AGMO: variants seen among roughly 807,000 people sequenced by gnomAD.
AGMO encodes glyceryl-ether monooxygenase.
A neutral mutation model predicts 60.2 loss-of-function variants in AGMO; 75 were observed. The ratio of observed to expected loss-of-function variants is 1.25; its 90% CI spans 1.03 to 1.51. The LOEUF is 1.51. Ranked by LOEUF, AGMO falls within the 40% of genes most tolerant of loss-of-function variation. The pLI is 0.00. For synonymous variants in AGMO, 261 were observed against 177.1 expected (o/e 1.47, Z -3.76); for missense variants, 763 against 525.5 (o/e 1.45, Z -4.42).
In AGMO at chr7:15,342,801, A is replaced by AAAAAAAAC. The variant is rs778682811; in HGVS notation, c.1263+22712_1263+22713insGTTTTTTT. ...CTGCAAAAAAAAAAAAAAAAAAAAA[A>AAAAAAAAC]AAAATTGATCTGAATTCTACCTCTA... On this transcript the variant is annotated intron_variant, in intron 12 of 12. Coordinates refer to ENST00000342526, the MANE Select transcript of AGMO (RefSeq NM_001004320.2). Among the ~76,000 whole-genome samples the AAAAAAAAC allele has an allele frequency of 7.8e-4, 84 of 107,938 alleles. 9 individuals are homozygous for AAAAAAAAC. Among genetic ancestry groups the AAAAAAAAC allele is most frequent in the African/African-American group, 2.9e-3 (68 of 23,850 alleles). The allele number at this position is 107,938 out of a possible 152,430, so 70.8% of individuals were successfully genotyped here.
At chr7:15,387,068 T>C (rs1437980998) in intron 9 of AGMO, among the ~76,000 whole-genome samples, 1 of 152,220 alleles carries the variant, frequency 6.6e-6, no homozygotes, top group Non-Finnish European at 1.5e-5. Context: ...CCTCCGTCTC[T>C]AGTGTTCTAG....
At chr7:15,167,228 C>T in the AGMO span, among the ~76,000 whole-genome samples, 3 of 152,020 alleles carry the variant, frequency 2.0e-5, no homozygotes, top group Admixed American at 6.6e-5. Flanking sequence ...GTTTGAAAAA[C>T]ACTACTTAGA....
intron 3 of AGMO, among the ~76,000 whole-genome samples, chr7:15,474,791 C>T (rs1782548969): frequency 6.6e-6 from 1 of 152,128 alleles, no homozygotes. Context: ...TTTTTGCAAT[C>T]TGTCCATCTG....
At chr7:15,445,756 G>A (rs1452619908) in intron 3 of AGMO, among the ~76,000 whole-genome samples, 2 of 152,082 alleles carry the variant, frequency 1.3e-5, no homozygotes, top group East Asian at 3.9e-4. Flanking sequence ...GAAAGAAATG[G>A]TTAAGACATG....
chr7:15,164,675 A>C, the AGMO span, among the ~76,000 whole-genome samples: 3 of 152,110 alleles, frequency 2.0e-5, no homozygotes, highest in Non-Finnish European at 4.4e-5. Context: ...AGAGAAATGC[A>C]AGTTTAAACC....
chr7:15,358,403 A>AT (rs1275388496), intron 12 of AGMO: 1 of 471,336 alleles, frequency 2.1e-6, no homozygotes, highest in Non-Finnish European at 4.4e-6. Context: ...ATAAGAAGGC[A>AT]TAATAATTAG....
At chr7:15,195,685 T>C (rs566593281), downstream of AGMO, among the ~76,000 whole-genome samples, 3 of 152,304 alleles carry the variant, frequency 2.0e-5, no homozygotes, top group East Asian at 1.9e-4. Flanking sequence ...CTAGCTTGCC[T>C]TTCCATGACT....
At chr7:15,533,453 T>C (rs1784416351) in intron 3 of AGMO, among the ~76,000 whole-genome samples, 1 of 152,156 alleles carries the variant, frequency 6.6e-6, no homozygotes, top group South Asian at 2.1e-4. Flanking sequence ...TAAATTTGTT[T>C]TACAGATCTT....
intron 10 of AGMO, among the ~76,000 whole-genome samples, chr7:15,379,501 G>A (rs1783592058): frequency 6.6e-6 from 1 of 151,940 alleles, no homozygotes; most frequent in Admixed American, 6.6e-5. Flanking sequence ...ACATACACTA[G>A]AAAATCTAGA....
chr7:15,323,240 G>T (rs1398622243), intron 12 of AGMO, among the ~76,000 whole-genome samples: 2 of 152,028 alleles, frequency 1.3e-5, no homozygotes, highest in Non-Finnish European at 2.9e-5. Context: ...TAATCACCAT[G>T]AGCAGTTACA....
intron 12 of AGMO, among the ~76,000 whole-genome samples, chr7:15,302,874 A>G (rs1378258585): frequency 6.6e-6 from 1 of 152,152 alleles, no homozygotes; most frequent in Non-Finnish European, 1.5e-5. Flanking sequence ...ACTGAGAGTA[A>G]TAATTTCTGC....
chr7:15,273,763 GT>G (rs1563064803), intron 12 of AGMO, among the ~76,000 whole-genome samples: 5 of 152,292 alleles, frequency 3.3e-5, no homozygotes, highest in African/African-American at 1.2e-4. Flanking sequence ...AACATGGAAT[GT>G]TCTTCCATTT....
intron 6 of AGMO, among the ~76,000 whole-genome samples, chr7:15,392,477 A>T (rs572964305): frequency 1.3e-5 from 2 of 152,134 alleles, no homozygotes; most frequent in East Asian, 1.9e-4. Context: ...GTCCCCATAA[A>T]CCATCTAAAT....
At chr7:15,231,198 G>C (rs1782249044) in intron 12 of AGMO, among the ~76,000 whole-genome samples, 1 of 152,134 alleles carries the variant, frequency 6.6e-6, no homozygotes, top group African/African-American at 2.4e-5. Context: ...CAGTGTGATG[G>C]TTCTAGTAGG....
chr7:15,217,866 G>A lies in AGMO; in HGVS notation c.1264-16507C>T, dbSNP rs530059568. Among the ~76,000 whole-genome samples the A allele has an allele frequency of 7.9e-5, 12 of 151,924 alleles. No homozygotes were observed. The South Asian group carries it at 1.0e-3, about 13-fold the overall frequency. On this transcript the variant is annotated intron_variant, in intron 12 of 12. Coordinates refer to ENST00000342526, the MANE Select transcript of AGMO (RefSeq NM_001004320.2). ...ATGGCACACTGTTAATTTATTGTTCGCCATAATTTATGAGAAATATTATTA... is the reference window on the plus strand; with the variant it reads ...ATGGCACACTGTTAATTTATTGTTCACCATAATTTATGAGAAATATTATTA...
intron 12 of AGMO, among the ~76,000 whole-genome samples, chr7:15,310,127 G>C (rs1046156158): frequency 3.3e-5 from 5 of 152,140 alleles, no homozygotes; most frequent in African/African-American, 1.2e-4. Flanking sequence ...ACACATAGCA[G>C]TGAGGCTGAC....
chr7:15,340,412 G>A (rs557567944), intron 12 of AGMO, among the ~76,000 whole-genome samples: 1 of 152,284 alleles, frequency 6.6e-6, no homozygotes, highest in South Asian at 2.1e-4. Flanking sequence ...CTTTAGAGGT[G>A]CCAGAGACAA....
chr7:15,217,438 C>T (rs1781774702), intron 12 of AGMO, among the ~76,000 whole-genome samples: 1 of 151,660 alleles, frequency 6.6e-6, no homozygotes. Flanking sequence ...TTAATATGTG[C>T]AAGAAATGGA....
At chr7:15,355,852 A>AT (rs1403828023) in intron 12 of AGMO, among the ~76,000 whole-genome samples, 1 of 152,208 alleles carries the variant, frequency 6.6e-6, no homozygotes, top group Non-Finnish European at 1.5e-5. Flanking sequence ...TTCAATAAAC[A>AT]TAAATGACAA....
Sources: gnomAD v4.1 joint callset for allele counts (sites outside exome capture counted in the v4.1 genomes callset) on GRCh38, gnomAD v4.1.1 for gene constraint, MANE v1.5 for transcripts, NCBI Gene and HGNC (gene_info 2026-07-23, HGNC 2026-07-21) for gene names.